The following CNTNAP3 variants were observed in gnomAD, a reference collection of about 807,000 sequenced individuals.
CNTNAP3 encodes the protein contactin associated protein family member 3.
A neutral mutation model predicts 92.1 loss-of-function variants in CNTNAP3; 36 were observed. The ratio of observed to expected loss-of-function variants is 0.39; its 90% CI spans 0.30 to 0.52. The LOEUF is 0.52. CNTNAP3 is among the 20% of genes least tolerant of loss of function. The pLI is 0.76. For missense variants in CNTNAP3, 534 were observed against 1,069.6 expected (o/e 0.50, Z 6.98); for synonymous variants, 232 against 422.3 (o/e 0.55, Z 5.53).
rs756605224 is a variant in CNTNAP3, at chr9:39,103,798, C to T, written c.2482G>A (p.Gly828Arg). ...ATCCCCAGGTTCTCCATAAACACCC[C>T]GGAGGAAACTGTGGTCTTAAAAAAG... ...CFFFKTTVSS[G>R]VFMENLGITD... Residue 828 changes from glycine (G) to arginine (R), a missense_variant, in exon 16 of 24, where the codon GGG (glycine) becomes AGG (arginine). Physicochemically the swap from Gly to Arg is moderately radical, Grantham distance 125. Transcript: ENST00000297668. 2.5e-5 allele frequency: 40 copies of T among 1,611,048 alleles called. No individual in the cohort carries two copies. Among genetic ancestry groups the T allele is most frequent in the Non-Finnish European group, 3.3e-5 (39 of 1,179,788 alleles).
chr9:39,077,543 C>T (rs1307347654), intron 23 of CNTNAP3, among the ~76,000 whole-genome samples: 4 of 150,874 alleles, frequency 2.7e-5, no homozygotes, highest in Non-Finnish European at 3.0e-5. Flanking sequence ...GGCGACACAG[C>T]GAGACTCTGT....
At chr9:39,105,224 C>A (rs181959793) in intron 15 of CNTNAP3, among the ~76,000 whole-genome samples, 221 of 152,160 alleles carry the variant, frequency 1.5e-3, no homozygotes, top group African/African-American at 4.8e-3. Context: ...TCAGGAGATC[C>A]AGACCATCCT....
At position 39,150,907 on chromosome 9, in the gene CNTNAP3, G is replaced by A. The variant is rs541412746; in HGVS notation, c.1478-930C>T. ...GCAGTGGTGAGTGCCTGACTTTGAC[G>A]TAAGCAGTATTACTCCACACCAGTC... On this transcript the variant is annotated intron_variant, in intron 9 of 23. Coordinates refer to ENST00000297668, the MANE Select transcript of CNTNAP3 (RefSeq NM_033655.5). 5.0e-5 allele frequency among the ~76,000 whole-genome samples: 7 copies of A among 139,730 alleles called. 2 individuals carry two copies. In the East Asian group the frequency reaches 8.6e-4, roughly 17 times the overall value. 91.7% of individuals were successfully genotyped at this position (139,730 alleles called of 152,430 possible). A position where few individuals can be genotyped will look rare whatever the true frequency, so the allele number is the denominator to read the frequency against.
At chr9:39,080,939 A>T (rs1448859133) in intron 21 of CNTNAP3, among the ~76,000 whole-genome samples, 1 of 140,752 alleles carries the variant, frequency 7.1e-6, no homozygotes, top group Non-Finnish European at 1.6e-5. Flanking sequence ...TGTCAGGATT[A>T]CAGGCATGAG....
chr9:39,137,172 C>G (rs1299121600), intron 12 of CNTNAP3, among the ~76,000 whole-genome samples: 1 of 151,658 alleles, frequency 6.6e-6, no homozygotes, highest in Non-Finnish European at 1.5e-5. Context: ...TCTGGGTTTT[C>G]TTTTTGCGGG....
chr9:39,107,653 T>G (rs1826640339), intron 15 of CNTNAP3, among the ~76,000 whole-genome samples: 1 of 152,066 alleles, frequency 6.6e-6, no homozygotes, highest in South Asian at 2.1e-4. Context: ...GATAACAAAT[T>G]ACTGACATTG....
At chr9:39,089,456 A>G (rs957158770) in intron 18 of CNTNAP3, among the ~76,000 whole-genome samples, 7 of 151,668 alleles carry the variant, frequency 4.6e-5, no homozygotes, top group African/African-American at 1.7e-4. Flanking sequence ...TTGCGGATCT[A>G]TTTAACAGTT....
intron 1 of CNTNAP3, among the ~76,000 whole-genome samples, chr9:39,285,484 T>C (rs1203165639): frequency 5.6e-5 from 3 of 53,268 alleles, no homozygotes; most frequent in African/African-American, 1.3e-4. Context: ...TCAGATAAAC[T>C]GCACATAATC....
rs1278046257 is a variant in CNTNAP3, at chr9:39,234,453, A to G, written c.390+4540T>C. ...CCTATTACTACTACTATATATATGT[A>G]TATATATATATACACACACACATGA... On this transcript the variant is annotated intron_variant, in intron 3 of 23. Transcript: ENST00000297668. Among the ~76,000 whole-genome samples, 2 of 27,438 alleles carry G rather than the reference A, an allele frequency of 7.3e-5. 1 individual carries two copies. The highest frequency in any genetic ancestry group is 2.1e-4 in the Non-Finnish European group (2 of 9,560). The allele number at this position is 27,438 out of a possible 152,430, so 18.0% of individuals were successfully genotyped here.
In CNTNAP3 at chr9:39,109,168, C is replaced by A. The variant is rs201209922; in HGVS notation, c.2357G>T (p.Arg786Leu). ...TTCTTGACACTACTTACGATCTCCGCGGCAGAGCAGTGGCCCCAGTGTATA... is the reference window on the plus strand; with the variant it reads ...TTCTTGACACTACTTACGATCTCCGAGGCAGAGCAGTGGCCCCAGTGTATA... ...AAYTLGPLLC[R>L]GDQSFWNSAS... Residue 786 changes from arginine (R) to leucine (L), a missense_variant, in exon 15 of 24, where the codon CGC becomes CTC. Coordinates refer to ENST00000297668, the MANE Select transcript of CNTNAP3 (RefSeq NM_033655.5). 3 of 1,612,492 alleles carry A rather than the reference C, an allele frequency of 1.9e-6. No individual in the cohort carries two copies. Among genetic ancestry groups the A allele is most frequent in the Non-Finnish European group, 2.5e-6 (3 of 1,179,656 alleles).
At chr9:39,140,933 G>A (rs1191685567) in intron 11 of CNTNAP3, among the ~76,000 whole-genome samples, 2 of 152,170 alleles carry the variant, frequency 1.3e-5, no homozygotes, top group African/African-American at 2.4e-5. Context: ...GAGGAAGAAG[G>A]AAAGATTGTG....
chr9:39,141,061 T>G (rs1821563279), intron 11 of CNTNAP3, among the ~76,000 whole-genome samples: 1 of 152,188 alleles, frequency 6.6e-6, no homozygotes, highest in Non-Finnish European at 1.5e-5. Flanking sequence ...TCTTTTGCTT[T>G]TAGGCAAGAA....
chr9:39,132,282 G>A (rs1821312071), intron 13 of CNTNAP3, among the ~76,000 whole-genome samples: 1 of 152,270 alleles, frequency 6.6e-6, no homozygotes, highest in Non-Finnish European at 1.5e-5. Context: ...TGGGGATTCC[G>A]GAAAGGAGGG....
intron 9 of CNTNAP3, among the ~76,000 whole-genome samples, chr9:39,150,875 A>G (rs1248939753): frequency 2.3e-5 from 3 of 129,826 alleles, no homozygotes; most frequent in African/African-American, 9.0e-5. Context: ...AACAGTACTT[A>G]TAAGAAGCAG....
intron 23 of CNTNAP3, among the ~76,000 whole-genome samples, chr9:39,075,988 A>G (rs1825751362): frequency 6.6e-6 from 1 of 152,296 alleles, no homozygotes; most frequent in Non-Finnish European, 1.5e-5. Flanking sequence ...ATTAATTTAT[A>G]TCTTCAGCCA....
chr9:39,093,465 T>C (rs1042481287), intron 18 of CNTNAP3, among the ~76,000 whole-genome samples: 2 of 151,114 alleles, frequency 1.3e-5, no homozygotes, highest in African/African-American at 4.8e-5. Flanking sequence ...ATCACCTCTT[T>C]TGATACCCAA....
chr9:39,114,018 A>G (rs1365569381), intron 14 of CNTNAP3, among the ~76,000 whole-genome samples: 3 of 146,178 alleles, frequency 2.1e-5, no homozygotes, highest in Non-Finnish European at 3.0e-5. Context: ...ATACACACAT[A>G]TATATACACA....
At chr9:39,076,710 T>TTTG (rs1416232461) in intron 23 of CNTNAP3, among the ~76,000 whole-genome samples, 2 of 152,312 alleles carry the variant, frequency 1.3e-5, no homozygotes, top group African/African-American at 4.8e-5. Flanking sequence ...GGCTCATGCC[T>TTTG]GTAATCCTAG....
intron 10 of CNTNAP3, among the ~76,000 whole-genome samples, chr9:39,146,156 A>G (rs1821693623): frequency 1.3e-5 from 2 of 152,110 alleles, no homozygotes; most frequent in Non-Finnish European, 2.9e-5. Flanking sequence ...CGTAGTACAA[A>G]TAATAGAGGA....
Sources: gnomAD v4.1 joint callset for allele counts (sites outside exome capture counted in the v4.1 genomes callset) on GRCh38, gnomAD v4.1.1 for gene constraint, MANE v1.5 for transcripts, NCBI Gene and HGNC (gene_info 2026-07-23, HGNC 2026-07-21) for gene names.